The following AGTRAP variants were observed in gnomAD, a reference collection of about 807,000 sequenced individuals.
The protein encoded by AGTRAP is type-1 angiotensin II receptor-associated protein.
Under a neutral mutation model 15.2 loss-of-function variants are expected in AGTRAP, and 7 were observed. The observed-to-expected ratio is 0.46, with a 90% CI of 0.26 to 0.87. AGTRAP has a LOEUF of 0.87. Ranked by LOEUF, AGTRAP falls within the 40% of genes least tolerant of loss-of-function variation. AGTRAP has a pLI of 0.15. For missense variants in AGTRAP, 187 were observed against 213.4 expected (o/e 0.88, Z 0.77); for synonymous variants, 74 against 89.6 (o/e 0.83, Z 0.98).
chr1:11,749,352 CACCAGCTGGT>C (rs1642256537), intron 4 of AGTRAP, among the ~76,000 whole-genome samples: 1 of 152,252 alleles, frequency 6.6e-6, no homozygotes, highest in Admixed American at 6.5e-5. Context: ...CTGTGACTGC[CACCAGCTGGT>C]TGAGGGTGGG....
rs1357036326 is a variant in AGTRAP, at chr1:11,745,301, A to G, written c.28-502A>G. Among the ~76,000 whole-genome samples, 1 of 152,198 alleles carries G rather than the reference A, an allele frequency of 6.6e-6. No individual in the cohort carries two copies. The highest frequency in any genetic ancestry group is 1.5e-5 in the Non-Finnish European group (1 of 68,040). On this transcript the variant is annotated intron_variant, in intron 1 of 4. Transcript: ENST00000314340. The surrounding 1 kb of genome is among the most constrained non-coding windows in gnomAD (Gnocchi z 4.2). ...GTCATAGTGCTGGTGGGAGTGTAGC[A>G]GTGAGGACAACCAGAGGTTACTCTC...
chr1:11,750,000 T>C, intron 4 of AGTRAP, 77 bp from the exon 5 acceptor site: 1 of 1,194,008 alleles, frequency 8.4e-7, no homozygotes, highest in Non-Finnish European at 1.2e-6. Context: ...CGGGGGTGGA[T>C]CTTGGGTTGG....
At position 11,748,474 on chromosome 1, in the gene AGTRAP, C is replaced by T; in HGVS notation, c.228C>T (p.Tyr76=). 6.2e-7 allele frequency: 1 copy of T among 1,613,874 alleles called. No individual in the cohort carries two copies. The highest frequency in any genetic ancestry group is 8.5e-7 in the Non-Finnish European group (1 of 1,180,034). Residue 76 remains tyrosine, a synonymous_variant, in exon 4 of 5, where the codon TAC becomes TAT. Coordinates refer to ENST00000314340, the MANE Select transcript of AGTRAP (RefSeq NM_020350.5). ...ACATCGTGCACATCAGCATCTTCTA[C>T]CCGCGGGTCAGCCTCACGGACACGG... The part of the protein sequence containing the change: ...FLDIVHISIF[Y]PRVSLTDTGR...
chr1:11,742,119 G>A (rs909503150), intron 1 of AGTRAP, among the ~76,000 whole-genome samples: 1 of 152,232 alleles, frequency 6.6e-6, no homozygotes, highest in Non-Finnish European at 1.5e-5. Flanking sequence ...GAAGGCCTGC[G>A]CCCCCAGCGG....
chr1:11,748,080 T>G (rs1642214495), intron 3 of AGTRAP, among the ~76,000 whole-genome samples: 1 of 151,994 alleles, frequency 6.6e-6, no homozygotes, highest in Admixed American at 6.5e-5. Flanking sequence ...GAGATTTTCT[T>G]TGTGTTGGAG....
At chr1:11,741,263 C>T (rs1642023963) in intron 1 of AGTRAP, among the ~76,000 whole-genome samples, 1 of 152,166 alleles carries the variant, frequency 6.6e-6, no homozygotes, top group Non-Finnish European at 1.5e-5. Flanking sequence ...CCCTCCCAGC[C>T]TCCCTGCTGT....
intron 1 of AGTRAP, among the ~76,000 whole-genome samples, chr1:11,741,741 G>A (rs1053857024): frequency 6.6e-6 from 1 of 152,168 alleles, no homozygotes; most frequent in African/African-American, 2.4e-5. Context: ...AGGATTGTAA[G>A]GATTTAGTGC....
chr1:11,750,017 C>A, intron 4 of AGTRAP, 60 bp from the exon 5 acceptor site: 1 of 1,409,700 alleles, frequency 7.1e-7, no homozygotes, highest in Non-Finnish European at 9.9e-7. Context: ...TTGGACTCAG[C>A]TGAACATCCC....
chr1:11,736,297 C>A, intron 1 of AGTRAP, 62 bp downstream of exon 1: 1 of 1,579,586 alleles, frequency 6.3e-7, no homozygotes. Context: ...TGCATTTTCC[C>A]GGAAGGTGGG....
At chr1:11,739,245 A>T (rs1641969951) in intron 1 of AGTRAP, among the ~76,000 whole-genome samples, 2 of 152,120 alleles carry the variant, frequency 1.3e-5, no homozygotes. Context: ...CGTAGTCTAG[A>T]ATTAGGGTTA....
At chr1:11,744,467 C>T in intron 1 of AGTRAP, 1 of 701,636 alleles carries the variant, frequency 1.4e-6, no homozygotes, top group Non-Finnish European at 2.7e-6. Context: ...CTACCTGTCC[C>T]CAGCTACCCT....
In AGTRAP at chr1:11,736,145, C is replaced by T; in HGVS notation, c.-64C>T. On this transcript the variant is annotated 5_prime_UTR_variant, in exon 1 of 5. Coordinates refer to ENST00000314340, the MANE Select transcript of AGTRAP (RefSeq NM_020350.5). ...CGGGGCGGGGCCGGGCAAGTTTGTT[C>T]CCCGAGTTCGGAGCCTAGGAGCCCC... 3 of 1,563,138 alleles carry T rather than the reference C, an allele frequency of 1.9e-6. No individual in the cohort carries two copies. Among genetic ancestry groups the T allele is most frequent in the Admixed American group, 1.9e-5 (1 of 51,978 alleles).
intron 3 of AGTRAP, among the ~76,000 whole-genome samples, 156 bp from the exon 4 acceptor site, chr1:11,748,259 G>A (rs965977961): frequency 2.0e-5 from 3 of 152,316 alleles, no homozygotes; most frequent in South Asian, 2.1e-4. Context: ...CTCAGCCAGC[G>A]GCTCCCCAGC....
rs1198858428 is a variant in AGTRAP at position 11,750,553 on chromosome 1, G to C, written c.*361G>C. ...TGATGCCCCCTCAGGCCTCCCCCAA[G>C]TTTGCTGGGCTTTGGTGGAAGCCCT... On this transcript the variant is annotated 3_prime_UTR_variant, in exon 5 of 5. Transcript: ENST00000314340. The C allele has an allele frequency of 3.9e-6, 2 of 517,072 alleles. No individual in the cohort carries two copies. The highest frequency in any genetic ancestry group is 3.8e-5 in the African/African-American group (2 of 52,464). The allele number at this position is 517,072 out of a possible 1,614,324, so 32.0% of individuals were successfully genotyped here.
At chr1:11,736,312 A>T in intron 1 of AGTRAP, 77 bp downstream of exon 1, 1 of 1,562,360 alleles carries the variant, frequency 6.4e-7, no homozygotes, top group Non-Finnish European at 8.7e-7. Flanking sequence ...GGTGGGAGGA[A>T]GGACCGGAGT....
Position 11,750,415 on chromosome 1 carries a change from G to C in AGTRAP, c.*223G>C, listed in dbSNP as rs1034349713. On this transcript the variant is annotated 3_prime_UTR_variant, in exon 5 of 5. Transcript: ENST00000314340. ...CTCCCCTCCCTTCAGGGCACCCACT[G>C]GTTCCCAGGCTGGAACCAGGGTCTC... The C allele has an allele frequency of 3.3e-6, 2 of 611,972 alleles. No homozygotes were observed. The highest frequency in any genetic ancestry group is 3.7e-5 in the African/African-American group (2 of 54,370). 37.9% of individuals were successfully genotyped at this position (611,972 alleles called of 1,614,324 possible).
At chr1:11,738,217 C>A (rs1029665932) in intron 1 of AGTRAP, among the ~76,000 whole-genome samples, 1 of 152,152 alleles carries the variant, frequency 6.6e-6, no homozygotes, top group Non-Finnish European at 1.5e-5. Context: ...CCTCCCCACT[C>A]CCTCGTTTTG....
chr1:11,741,749 T>C (rs986215126), intron 1 of AGTRAP, among the ~76,000 whole-genome samples: 1 of 152,146 alleles, frequency 6.6e-6, no homozygotes, highest in Non-Finnish European at 1.5e-5. Flanking sequence ...AAGGATTTAG[T>C]GCATTTATAT....
At position 11,736,247 on chromosome 1, in the gene AGTRAP, C is replaced by G; in HGVS notation, c.27+12C>G. The G allele has an allele frequency of 6.2e-7, 1 of 1,606,472 alleles. No homozygotes were observed. On this transcript the variant is annotated intron_variant, in intron 1 of 4. Coordinates refer to ENST00000314340, the MANE Select transcript of AGTRAP (RefSeq NM_020350.5). Reference sequence around the variant, plus strand: ...CTGTGAACCTGAAGGTGGCGACGGGCTGGGGGGAGGGTCCCCTTTGCGGGA... The same window carrying G: ...CTGTGAACCTGAAGGTGGCGACGGGGTGGGGGGAGGGTCCCCTTTGCGGGA...
Sources: allele counts gnomAD v4.1 joint callset (sites outside exome capture counted in the v4.1 genomes callset), GRCh38; gene constraint gnomAD v4.1.1; non-coding constraint Gnocchi (gnomAD v3.1); transcripts MANE v1.5; gene names NCBI Gene and HGNC (gene_info 2026-07-23, HGNC 2026-07-21).